The following ADGRG2 variants were observed in gnomAD, a reference collection of about 807,000 sequenced individuals.
ADGRG2 encodes adhesion G protein-coupled receptor G2.
In ADGRG2, 26 loss-of-function variants were observed where a neutral mutation model predicts 74.1. The observed-to-expected ratio is 0.35, with a 90% CI of 0.26 to 0.49. The LOEUF (loss-of-function observed/expected upper bound fraction) is 0.49. Ranked by LOEUF, ADGRG2 falls within the 20% of genes least tolerant of loss-of-function variation. ADGRG2 has a pLI of 0.99. For missense variants in ADGRG2, 619 were observed against 763.1 expected (o/e 0.81, Z 2.22); for synonymous variants, 296 against 295.2 (o/e 1.00, Z -0.03).
chrX:18,998,893 C>T, intron 26 of ADGRG2, 103 bp downstream of exon 26: 1 of 672,985 alleles, frequency 1.5e-6, no homozygotes, highest in East Asian at 3.2e-5. Flanking sequence ...TGGTCTAGAA[C>T]CAAACCCCCA....
chrX:19,091,870 G>A (rs1365874659), intron 1 of ADGRG2, among the ~76,000 whole-genome samples: 1 of 112,547 alleles, frequency 8.9e-6, no homozygotes, highest in South Asian at 3.7e-4. Flanking sequence ...TACGGTATTC[G>A]AGGTGAGAAA....
In ADGRG2 at chrX:19,053,274, T is replaced by C. The variant is rs191856943; in HGVS notation, c.119-13050A>G. 6.3e-5 allele frequency among the ~76,000 whole-genome samples: 7 copies of C among 111,319 alleles called. No homozygotes were observed. In the East Asian group the frequency reaches 2.0e-3, roughly 32 times the overall value. On this transcript the variant is annotated intron_variant, in intron 3 of 28. Transcript: ENST00000379869. ...CATTGGGCAAGACACGATGAGGACTTGAACCCATGCTTGGGAAGCTGGCAT... is the reference window on the plus strand; with the variant it reads ...CATTGGGCAAGACACGATGAGGACTCGAACCCATGCTTGGGAAGCTGGCAT...
chrX:19,106,385 G>A (rs1454971031), intron 1 of ADGRG2, among the ~76,000 whole-genome samples: 4 of 110,538 alleles, frequency 3.6e-5, no homozygotes, highest in Non-Finnish European at 7.6e-5. Flanking sequence ...TAGTTGCTCT[G>A]GAATGAATGA....
rs191758232 is a variant in ADGRG2, at chrX:19,097,229, T to C, written c.-46-14483A>G. On this transcript the variant is annotated intron_variant, in intron 1 of 28. Coordinates refer to ENST00000379869, the MANE Select transcript of ADGRG2 (RefSeq NM_001079858.3). ...CCTCTCTCAAAAGGTATCTCTTCTTTGGCCAGGCGTTGTGGCTTACGCCTG... is the reference window on the plus strand; with the variant it reads ...CCTCTCTCAAAAGGTATCTCTTCTTCGGCCAGGCGTTGTGGCTTACGCCTG... Among the ~76,000 whole-genome samples, 108 of 113,050 alleles carry C rather than the reference T, an allele frequency of 9.6e-4. 1 individual carries two copies. Among genetic ancestry groups the C allele is most frequent in the African/African-American group, 3.3e-3 (104 of 31,171 alleles).
chrX:19,009,137 G>A (rs1187436284), intron 18 of ADGRG2, among the ~76,000 whole-genome samples: 1 of 109,920 alleles, frequency 9.1e-6, no homozygotes, highest in Non-Finnish European at 1.9e-5. Flanking sequence ...AACGCAAGGT[G>A]TAAGGGGGAC....
intron 1 of ADGRG2, among the ~76,000 whole-genome samples, chrX:19,103,954 G>C (rs1206045161): frequency 9.0e-6 from 1 of 111,354 alleles, no homozygotes; most frequent in Non-Finnish European, 1.9e-5. Context: ...AACATATAGA[G>C]GGGCCCAGGC....
At chrX:19,027,025 C>T (rs1010288208) in intron 11 of ADGRG2, among the ~76,000 whole-genome samples, 194 bp downstream of exon 11, 17 of 111,928 alleles carry the variant, frequency 1.5e-4, no homozygotes, top group African/African-American at 5.5e-4. Context: ...ATAACTTCAG[C>T]GCATCAAAGA....
intron 3 of ADGRG2, among the ~76,000 whole-genome samples, chrX:19,064,180 G>A (rs1276698824): frequency 8.9e-6 from 1 of 111,914 alleles, no homozygotes; most frequent in African/African-American, 3.2e-5. Flanking sequence ...AGCATCCACA[G>A]GAACTGTCTG....
intron 1 of ADGRG2, among the ~76,000 whole-genome samples, chrX:19,091,503 C>CAA (rs1329900667): frequency 9.7e-6 from 1 of 103,574 alleles, no homozygotes; most frequent in Non-Finnish European, 1.9e-5. Flanking sequence ...CACACACACA[C>CAA]ACACACACAC....
intron 15 of ADGRG2, 86 bp from the exon 16 acceptor site, chrX:19,014,160 A>G: frequency 1.3e-6 from 1 of 745,008 alleles, no homozygotes; most frequent in Non-Finnish European, 1.9e-6. Context: ...ATCATCTGAC[A>G]CCGTCAAGTT....
intron 1 of ADGRG2, among the ~76,000 whole-genome samples, chrX:19,093,270 A>C (rs1276471055): frequency 8.9e-6 from 1 of 111,787 alleles, no homozygotes; most frequent in Non-Finnish European, 1.9e-5. Context: ...ACCTTGGCAC[A>C]ATTCTCAGAT....
intron 3 of ADGRG2, among the ~76,000 whole-genome samples, chrX:19,067,546 A>T (rs1252761240): frequency 1.8e-5 from 2 of 112,204 alleles, no homozygotes; most frequent in East Asian, 5.6e-4. Flanking sequence ...AATTCTTGGA[A>T]GAAAACATAG....
chrX:19,061,111 C>T (rs1379101760), intron 3 of ADGRG2, among the ~76,000 whole-genome samples: 3 of 111,557 alleles, frequency 2.7e-5, no homozygotes, highest in Non-Finnish European at 5.6e-5. Context: ...AGGGGAAATC[C>T]ATTCTTCAAG....
chrX:19,064,810 C>T (rs1176584236), intron 3 of ADGRG2, among the ~76,000 whole-genome samples: 1 of 111,927 alleles, frequency 8.9e-6, no homozygotes, highest in Non-Finnish European at 1.9e-5. Flanking sequence ...AATTATTTGA[C>T]CGAAGGCAAG....
chrX:19,002,116 G>C (rs2146522369), intron 24 of ADGRG2, among the ~76,000 whole-genome samples: 1 of 110,843 alleles, frequency 9.0e-6, no homozygotes, highest in African/African-American at 3.3e-5. Context: ...AATCAGAACT[G>C]TAGAGCTTTA....
intron 1 of ADGRG2, among the ~76,000 whole-genome samples, chrX:19,102,819 A>C (rs1178201612): frequency 9.0e-6 from 1 of 110,803 alleles, no homozygotes; most frequent in African/African-American, 3.3e-5. Flanking sequence ...AGAAGAGGGA[A>C]CTCACCAGAA....
In ADGRG2 at chrX:19,045,320, T is replaced by TATTATTATC. The variant is rs1333047576; in HGVS notation, c.119-5097_119-5096insGATAATAAT. ...TTATTATTATTATTATTATTATTAT[T>TATTATTATC]ATTTTGAGACAGAGTCTCGCTCTGT... is the stretch of plus-strand genomic sequence containing the variant. On this transcript the variant is annotated intron_variant, in intron 3 of 28. Transcript: ENST00000379869. 7.8e-3 allele frequency among the ~76,000 whole-genome samples: 828 copies of TATTATTATC among 106,590 alleles called. 11 individuals are homozygous for TATTATTATC. Among genetic ancestry groups the TATTATTATC allele is most frequent in the African/African-American group, 0.027 (780 of 29,270 alleles). 92.6% of individuals were successfully genotyped at this position (106,590 alleles called of 115,157 possible). A position where few individuals can be genotyped will look rare whatever the true frequency, so the allele number is the denominator to read the frequency against.
chrX:19,006,753 A>ATTTTTT (rs35276629), intron 20 of ADGRG2, among the ~76,000 whole-genome samples: 1 of 81,841 alleles, frequency 1.2e-5, no homozygotes, highest in Non-Finnish European at 2.2e-5. Context: ...TAGGTGGTCA[A>ATTTTTT]TTTTTTTTTT....
chrX:19,007,973 GT>G lies in ADGRG2; in HGVS notation c.1566+6del. On this transcript the variant is annotated splice_donor_region_variant and intron_variant, in intron 19 of 28. Coordinates refer to ENST00000379869, the MANE Select transcript of ADGRG2 (RefSeq NM_001079858.3). Reference sequence around the variant, plus strand: ...CCCAAGCCAAAAGCAGTGAGCAGCAGTTTTACCTGAAACAAAGCAGGTGTTT... The same window carrying G: ...CCCAAGCCAAAAGCAGTGAGCAGCAGTTTACCTGAAACAAAGCAGGTGTTT... The G allele has an allele frequency of 8.3e-7, 1 of 1,201,906 alleles. No homozygotes were observed. Among genetic ancestry groups the G allele is most frequent in the Non-Finnish European group, 1.1e-6 (1 of 889,681 alleles).
Sources: allele counts gnomAD v4.1 joint callset (sites outside exome capture counted in the v4.1 genomes callset), GRCh38; gene constraint gnomAD v4.1.1; transcripts MANE v1.5; gene names NCBI Gene and HGNC (gene_info 2026-07-23, HGNC 2026-07-21).